Variants in TOMM20L observed in about 807,000 individuals in gnomAD.
TOMM20L encodes the protein TOMM20-like protein 1.
TOMM20L carries 19 observed loss-of-function variants against 20.4 expected under a neutral mutation model. That is an observed-to-expected ratio of 0.93 (90% CI 0.65 to 1.36). The LOEUF (loss-of-function observed/expected upper bound fraction) is 1.36, where lower values mean the gene tolerates loss of function less well. TOMM20L is among the 40% of genes most tolerant of loss of function. The pLI is 0.00. For synonymous variants in TOMM20L, 75 were observed against 79.6 expected (o/e 0.94, Z 0.30); for missense variants, 218 against 203.7 (o/e 1.07, Z -0.43).
chr14:58,408,429 A>G (rs1449505645), intron 4 of TOMM20L, 100 bp from the exon 5 acceptor site: 1 of 1,144,792 alleles, frequency 8.7e-7, no homozygotes, highest in South Asian at 1.4e-5. Flanking sequence ...AAAAAAAAAA[A>G]AAAGAAAAGT....
downstream of TOMM20L, among the ~76,000 whole-genome samples, chr14:58,410,477 G>C (rs950475964): frequency 6.6e-6 from 1 of 152,130 alleles, no homozygotes; most frequent in Non-Finnish European, 1.5e-5. Flanking sequence ...CCAAAGTCAA[G>C]CTTTGTTTTT....
chr14:58,400,261 C>T (rs187873350), intron 2 of TOMM20L, among the ~76,000 whole-genome samples: 1 of 151,578 alleles, frequency 6.6e-6, no homozygotes, highest in African/African-American at 2.4e-5. Context: ...CAAAATTAGC[C>T]AGGCATGGTG....
downstream of TOMM20L, among the ~76,000 whole-genome samples, chr14:58,413,069 T>A (rs112990703): frequency 1.9e-3 from 288 of 152,292 alleles, no homozygotes; most frequent in African/African-American, 6.8e-3. Context: ...GATTTTAACA[T>A]TTCAACATAC....
rs1408980666 is a variant in TOMM20L, at chr14:58,404,099, G to GTGTGTATATATA, written c.262+1339_262+1340insGTGTATATATAT. Among the ~76,000 whole-genome samples the GTGTGTATATATA allele has an allele frequency of 7.7e-3, 176 of 22,920 alleles. 41 individuals carry two copies. The highest frequency in any genetic ancestry group is 0.012 in the Admixed American group (13 of 1,072). The allele number at this position is 22,920 out of a possible 152,430, so 15.0% of individuals were successfully genotyped here. ...GTACAATGTATATATACATATATAT[G>GTGTGTATATATA]TATATATATATATATATATATTTTT... On this transcript the variant is annotated intron_variant, in intron 3 of 4. Coordinates refer to ENST00000360945, the MANE Select transcript of TOMM20L (RefSeq NM_207377.3).
intron 2 of TOMM20L, among the ~76,000 whole-genome samples, chr14:58,398,203 T>TA (rs1191652285): frequency 6.6e-6 from 1 of 152,214 alleles, no homozygotes; most frequent in Non-Finnish European, 1.5e-5. Context: ...CACATTTGTG[T>TA]AATTATTTGA....
chr14:58,409,299 T>A, downstream of TOMM20L: 1 of 951,564 alleles, frequency 1.1e-6, no homozygotes, highest in Non-Finnish European at 1.5e-6. Flanking sequence ...TAGTACTAAT[T>A]GGCAGCAACT....
At chr14:58,401,338 G>A (rs555497783) in intron 2 of TOMM20L, among the ~76,000 whole-genome samples, 4 of 152,168 alleles carry the variant, frequency 2.6e-5, no homozygotes, top group African/African-American at 4.8e-5. Flanking sequence ...TTGGGAGGCC[G>A]AGGTGGGCGG....
intron 3 of TOMM20L, among the ~76,000 whole-genome samples, chr14:58,405,792 C>T (rs1466861451): frequency 2.0e-5 from 3 of 152,214 alleles, no homozygotes; most frequent in South Asian, 2.1e-4. Context: ...GCGTGAGCCA[C>T]CACACCCACC....
chr14:58,414,907 T>G, the TOMM20L span, among the ~76,000 whole-genome samples: 1 of 152,068 alleles, frequency 6.6e-6, no homozygotes. Flanking sequence ...AGTAATGAGG[T>G]ACCCATCTCC....
intron 3 of TOMM20L, among the ~76,000 whole-genome samples, chr14:58,404,113 A>ATTT: frequency 6.0e-5 from 1 of 16,538 alleles, no homozygotes; most frequent in Non-Finnish European, 1.6e-4. Context: ...ATATATATAT[A>ATTT]TATATATTTT....
At chr14:58,407,996 A>G (rs377395247) in intron 4 of TOMM20L, among the ~76,000 whole-genome samples, 99 of 141,076 alleles carry the variant, frequency 7.0e-4, no homozygotes, top group African/African-American at 2.4e-3. Flanking sequence ...CTTGGAATCT[A>G]TCATATTTGA....
intron 3 of TOMM20L, among the ~76,000 whole-genome samples, chr14:58,403,817 G>A (rs1215092287): frequency 1.3e-5 from 2 of 151,702 alleles, no homozygotes; most frequent in African/African-American, 2.4e-5. Flanking sequence ...CAGCCTGGGC[G>A]ACAGAGCGAG....
rs1178678567 is a variant in TOMM20L at position 58,404,095 on chromosome 14, A to ATG, written c.262+1335_262+1336insGT. Among the ~76,000 whole-genome samples the ATG allele has an allele frequency of 1.1e-3, 3 of 2,742 alleles. 1 individual carries two copies. The Non-Finnish European group carries it at 0.02, about 18-fold the overall frequency. The allele number at this position is 2,742 out of a possible 152,430, so 1.8% of individuals were successfully genotyped here. Reference sequence around the variant, plus strand: ...ATCAGTACAATGTATATATACATATATATGTATATATATATATATATATAT... The same window carrying ATG: ...ATCAGTACAATGTATATATACATATATGTATGTATATATATATATATATATAT... On this transcript the variant is annotated intron_variant, in intron 3 of 4. Transcript: ENST00000360945.
At chr14:58,397,668 G>A (rs1421476705) in intron 2 of TOMM20L, among the ~76,000 whole-genome samples, 1 of 152,168 alleles carries the variant, frequency 6.6e-6, no homozygotes, top group Non-Finnish European at 1.5e-5. Flanking sequence ...GTTTGGCAAA[G>A]GAGTCATACT....
chr14:58,401,337 C>T (rs535966663), intron 2 of TOMM20L, among the ~76,000 whole-genome samples: 2 of 152,006 alleles, frequency 1.3e-5, no homozygotes, highest in Admixed American at 6.6e-5. Context: ...TTTGGGAGGC[C>T]GAGGTGGGCG....
chr14:58,413,756 C>G, the TOMM20L span, among the ~76,000 whole-genome samples: 2 of 151,764 alleles, frequency 1.3e-5, no homozygotes, highest in East Asian at 3.9e-4. Context: ...GCCTGTAATC[C>G]CAGCACTTTG....
downstream of TOMM20L, chr14:58,410,897 G>A: frequency 6.2e-7 from 1 of 1,613,512 alleles, no homozygotes; most frequent in Non-Finnish European, 8.5e-7. Flanking sequence ...CCAAAAAGCA[G>A]GTCTCTGTAA....
downstream of TOMM20L, among the ~76,000 whole-genome samples, chr14:58,410,358 C>T (rs764367469): frequency 6.6e-6 from 1 of 151,956 alleles, no homozygotes; most frequent in Admixed American, 6.6e-5. Flanking sequence ...TTCAAAGTTA[C>T]AGTGAGCTAT....
At chr14:58,401,369 A>C (rs2035990417) in intron 2 of TOMM20L, among the ~76,000 whole-genome samples, 1 of 152,134 alleles carries the variant, frequency 6.6e-6, no homozygotes, top group South Asian at 2.1e-4. Flanking sequence ...CAGGAGATCG[A>C]GACCATCCTA....
Sources: gnomAD v4.1 joint callset for allele counts (sites outside exome capture counted in the v4.1 genomes callset) on GRCh38, gnomAD v4.1.1 for gene constraint, MANE v1.5 for transcripts, NCBI Gene and HGNC (gene_info 2026-07-23, HGNC 2026-07-21) for gene names.